MYH16: variants seen among roughly 807,000 people sequenced by gnomAD.
MYH16 encodes myosin heavy chain 16, also known as putative uncharacterized protein MYH16.
At chr7:99,285,515 C>G in intron 27 of MYH16, 77 bp downstream of exon 9, 1 of 449,104 alleles carries the variant, frequency 2.2e-6, no homozygotes, top group Non-Finnish European at 4.5e-6. Context: ...ATAGAAACCT[C>G]CGCTAAGGAA....
At chr7:99,269,288 T>C (rs1310196514) in intron 18 of MYH16, among the ~76,000 whole-genome samples, 1 of 151,626 alleles carries the variant, frequency 6.6e-6, no homozygotes, top group African/African-American at 2.4e-5. Context: ...TTTTTTTTTT[T>C]CTTAAGAGAC....
intron 11 of MYH16, among the ~76,000 whole-genome samples, chr7:99,259,332 G>C (rs1156786343): frequency 6.6e-6 from 1 of 152,198 alleles, no homozygotes; most frequent in African/African-American, 2.4e-5. Context: ...TTCAGGCTGG[G>C]GCCGCATGCA....
intron 5 of MYH16, chr7:99,251,083 T>A (rs1791803760): frequency 5.0e-6 from 1 of 200,448 alleles, no homozygotes; most frequent in African/African-American, 2.3e-5. Flanking sequence ...TTGGGTTTCT[T>A]TCTGCATCAG....
At chr7:99,261,535 GACA>G (rs1461006834) in exon 13 of MYH16, 2 of 154,716 alleles carry the variant, frequency 1.3e-5, no homozygotes, top group Non-Finnish European at 2.9e-5. Context: ...AGCCCTGTAC[GACA>G]ACCACCTGGG....
intron 18 of MYH16, among the ~76,000 whole-genome samples, chr7:99,269,966 C>T (rs931710637): frequency 7.3e-5 from 11 of 150,862 alleles, no homozygotes; most frequent in East Asian, 2.0e-4. Flanking sequence ...CTCCGCCTCC[C>T]GGGTTTAAGC....
At position 99,245,274 on chromosome 7, in the gene MYH16, A is replaced by G. The variant is rs560920585; in HGVS notation, n.354+1853A>G. 9.2e-5 allele frequency among the ~76,000 whole-genome samples: 14 copies of G among 152,326 alleles called. No individual in the cohort carries two copies. In the South Asian group the frequency reaches 2.7e-3, roughly 29 times the overall value. ...TAATAAGTTTCCTTTTGAAAATTCA[A>G]CATATCCCAGTTATGCTAAGGAGGA... is the stretch of plus-strand genomic sequence containing the variant. On this transcript the variant is annotated intron_variant and non_coding_transcript_variant, in intron 2 of 41. Transcript: ENST00000439784.
chr7:99,289,953 A>G lies in MYH16; in HGVS notation n.3824+549A>G, dbSNP rs932951865. Among the ~76,000 whole-genome samples, 49 of 152,300 alleles carry G rather than the reference A, an allele frequency of 3.2e-4. No individual in the cohort carries two copies. In the South Asian group the frequency reaches 3.3e-3, roughly 10 times the overall value. On this transcript the variant is annotated intron_variant and non_coding_transcript_variant, in intron 30 of 41. Coordinates refer to ENST00000439784, the Ensembl canonical transcript of MYH16. The stretch of plus-strand genomic sequence containing the variant: ...GCCAGAAGAAACACACCTTTGTCAT[A>G]CAGGTGCATCTTTGCATCTCTATAA...
chr7:99,285,072 T>C (rs1792259574), intron 26 of MYH16, 137 bp downstream of exon 8: 1 of 408,122 alleles, frequency 2.5e-6, no homozygotes, highest in African/African-American at 2.0e-5. Context: ...TGGACCCATG[T>C]TCCCCTCACT....
At chr7:99,251,745 G>A (rs1383047324) in intron 6 of MYH16, among the ~76,000 whole-genome samples, 1 of 152,178 alleles carries the variant, frequency 6.6e-6, no homozygotes, top group Non-Finnish European at 1.5e-5. Context: ...CAAGGCAGGA[G>A]GATCCCTTGA....
chr7:99,289,228 G>C, intron 29 of MYH16, 59 bp from the exon 11 acceptor site: 1 of 236,418 alleles, frequency 4.2e-6, no homozygotes, highest in Admixed American at 4.7e-5. Flanking sequence ...AGGGGAGGTA[G>C]GGAGGGCTTG....
At chr7:99,307,125 A>C (rs939953747), downstream of MYH16, among the ~76,000 whole-genome samples, 2 of 152,284 alleles carry the variant, frequency 1.3e-5, no homozygotes, top group African/African-American at 4.8e-5. Context: ...GCGGTTCCCA[A>C]GTGTGATGCC....
At chr7:99,300,539 T>C (rs1792575589) in intron 37 of MYH16, among the ~76,000 whole-genome samples, 1 of 152,158 alleles carries the variant, frequency 6.6e-6, no homozygotes, top group South Asian at 2.1e-4. Context: ...CATTTGGTGT[T>C]CACATGTAGT....
At chr7:99,246,563 G>A (rs779323308) in intron 2 of MYH16, among the ~76,000 whole-genome samples, 2 of 152,118 alleles carry the variant, frequency 1.3e-5, no homozygotes, top group Non-Finnish European at 2.9e-5. Flanking sequence ...TTAGCCGGGC[G>A]TGGTGGCGTG....
intron 14 of MYH16, among the ~76,000 whole-genome samples, chr7:99,264,034 G>GC (rs987876788): frequency 3.9e-5 from 6 of 152,194 alleles, no homozygotes; most frequent in Non-Finnish European, 7.3e-5. Flanking sequence ...ACCCTCCCAA[G>GC]GAGCACAGCA....
intron 33 of MYH16, among the ~76,000 whole-genome samples, chr7:99,294,571 T>A (rs1439981436): frequency 2.0e-5 from 3 of 149,198 alleles, no homozygotes; most frequent in African/African-American, 7.4e-5. Flanking sequence ...ATATATATTT[T>A]TTTTCTTTTT....
rs185904948 is a variant in MYH16 at position 99,252,210 on chromosome 7, G to A, written n.730-603G>A. ...TCTTAAACCAGTGCAGCTGTCTGGC[G>A]GGAGCTGTAGTCACAGAGGCACCCA... is the stretch of plus-strand genomic sequence containing the variant. On this transcript the variant is annotated intron_variant and non_coding_transcript_variant, in intron 6 of 41. Transcript: ENST00000439784. 6.6e-5 allele frequency among the ~76,000 whole-genome samples: 10 copies of A among 152,192 alleles called. No homozygotes were observed. The East Asian group carries it at 1.5e-3, about 24-fold the overall frequency.
intron 32 of MYH16, 62 bp from the exon 14 acceptor site, chr7:99,293,956 G>GTGGAGA (rs1158436553): frequency 5.0e-6 from 2 of 398,526 alleles, no homozygotes; most frequent in Non-Finnish European, 9.9e-6. Context: ...CCCTGGCAGT[G>GTGGAGA]TGGAGATGGT....
chr7:99,302,342 A>C, intron 38 of MYH16, among the ~76,000 whole-genome samples: 1 of 149,242 alleles, frequency 6.7e-6, no homozygotes, highest in African/African-American at 2.5e-5. Flanking sequence ...ACACACACAC[A>C]CACACACACA....
At chr7:99,302,317 T>TATACACACACAC (rs1184408879) in intron 38 of MYH16, among the ~76,000 whole-genome samples, 22 of 95,564 alleles carry the variant, frequency 2.3e-4, no homozygotes, top group African/African-American at 9.7e-4. Context: ...AAAAAATATA[T>TATACACACACAC]ACACACACAC....
Sources: allele counts gnomAD v4.1 joint callset (sites outside exome capture counted in the v4.1 genomes callset), GRCh38; gene constraint gnomAD v4.1.1; transcripts MANE v1.5; gene names NCBI Gene and HGNC (gene_info 2026-07-23, HGNC 2026-07-21).